The following KRR1 variants were observed in gnomAD, a reference collection of about 807,000 sequenced individuals.
KRR1 encodes KRR1 small subunit processome component homolog.
In KRR1, 23 loss-of-function variants were observed where a neutral mutation model predicts 50.0. The observed-to-expected ratio is 0.46, with a 90% CI of 0.33 to 0.65. The LOEUF (loss-of-function observed/expected upper bound fraction) is 0.65, where lower values mean the gene tolerates loss of function less well. KRR1 is among the 30% of genes least tolerant of loss of function. The pLI, the probability that KRR1 is intolerant of heterozygous loss-of-function variation, is 0.02. For synonymous variants in KRR1, 133 were observed against 146.3 expected, an observed-to-expected ratio of 0.91 and a Z score of 0.66; for missense variants, 419 against 442.4, an observed-to-expected ratio of 0.95 and a Z score of 0.47.
In KRR1 at chr12:75,493,101, G is replaced by C. The variant is rs764363833; in HGVS notation, c.*6708C>G. ...CCTCGGTCTGCTAAACAGATGAAAC[G>C]GGGGGAGGAAGGCAGTTGCAGATCT... On this transcript the variant is annotated 3_prime_UTR_variant, in exon 10 of 10. Transcript: ENST00000229214. 1 of 152,084 alleles carries C rather than the reference G, an allele frequency of 6.6e-6. No homozygotes were observed. The highest frequency in any genetic ancestry group is 2.1e-4 in the South Asian group (1 of 4,820). 9.4% of individuals were successfully genotyped at this position (152,084 alleles called of 1,614,324 possible).
intron 9 of KRR1, chr12:75,501,440 C>A (rs180803431): frequency 3.4e-6 from 1 of 293,260 alleles, no homozygotes; most frequent in African/African-American, 2.2e-5. Flanking sequence ...ACAGAAGATG[C>A]ACTGGCTGCC....
In KRR1 at chr12:75,511,605, C is replaced by CGGATTTATT; in HGVS notation, c.-9_-8insAATAAATCC. ...CAGCGAGGGAGACGCCATTTGCAAGCTGCTTCCGGTGGCTCCGGAAATGAA... is the reference window on the plus strand; with the variant it reads ...CAGCGAGGGAGACGCCATTTGCAAGCGGATTTATTTGCTTCCGGTGGCTCCGGAAATGAA... On this transcript the variant is annotated 5_prime_UTR_variant, in exon 1 of 10. Transcript: ENST00000229214. 6.2e-7 allele frequency: 1 copy of CGGATTTATT among 1,613,742 alleles called. No homozygotes were observed. Among genetic ancestry groups the CGGATTTATT allele is most frequent in the East Asian group, 2.2e-5 (1 of 44,864 alleles).
rs1824623469 is a variant in KRR1, at chr12:75,504,004, G to A, written c.731C>T (p.Pro244Leu). 3 of 1,611,904 alleles carry A rather than the reference G, an allele frequency of 1.9e-6. No homozygotes were observed. Among genetic ancestry groups the A allele is most frequent in the South Asian group, 1.1e-5 (1 of 90,934 alleles). ...LRSQSWERFL[P>L]QFKHKNVNKR... Reference sequence around the variant, plus strand: ...ATTCACATTTTTGTGTTTGAACTGTGGCAAAAATCTCTCCCAACTTTGTGA... The same window carrying A: ...ATTCACATTTTTGTGTTTGAACTGTAGCAAAAATCTCTCCCAACTTTGTGA... Residue 244 changes from proline (P) to leucine (L), a missense_variant, in exon 7 of 10, where the codon CCA (proline) becomes CTA (leucine). Physicochemically the swap from Pro to Leu is moderately conservative, Grantham distance 98. Coordinates refer to ENST00000229214, the MANE Select transcript of KRR1 (RefSeq NM_007043.7).
intron 8 of KRR1, 45 bp downstream of exon 8, chr12:75,501,878 C>T (rs373508242): frequency 3.8e-6 from 6 of 1,586,992 alleles, no homozygotes; most frequent in Non-Finnish European, 5.2e-6. Context: ...ATTCAAGTAT[C>T]TATGAACTTT....
rs540933426 is a variant in KRR1 at position 75,493,076 on chromosome 12, C to T, written c.*6733G>A. On this transcript the variant is annotated 3_prime_UTR_variant, in exon 10 of 10. Coordinates refer to ENST00000229214, the MANE Select transcript of KRR1 (RefSeq NM_007043.7). Reference sequence around the variant, plus strand: ...AAGTTTAAACCACAGAGACTGGTGCCCTCGGTCTGCTAAACAGATGAAACG... The same window carrying T: ...AAGTTTAAACCACAGAGACTGGTGCTCTCGGTCTGCTAAACAGATGAAACG... 7 of 152,160 alleles carry T rather than the reference C, an allele frequency of 4.6e-5. No individual in the cohort carries two copies. Among genetic ancestry groups the T allele is most frequent in the Admixed American group, 3.9e-4 (6 of 15,282 alleles). The allele number at this position is 152,160 out of a possible 1,614,324, so 9.4% of individuals were successfully genotyped here. A position where few individuals can be genotyped will look rare whatever the true frequency, so the allele number is the denominator to read the frequency against.
intron 1 of KRR1, among the ~76,000 whole-genome samples, chr12:75,510,278 G>A (rs750313483): frequency 2.0e-5 from 3 of 152,110 alleles, no homozygotes; most frequent in African/African-American, 4.8e-5. Flanking sequence ...CCAATCCTAT[G>A]TTCACAACCT....
At position 75,504,015 on chromosome 12, in the gene KRR1, C is replaced by CGGG. The variant is rs747031287; in HGVS notation, c.719_720insCCC (p.Glu240delinsAspPro). 9.3e-6 allele frequency: 15 copies of CGGG among 1,612,456 alleles called. No individual in the cohort carries two copies. The highest frequency in any genetic ancestry group is 1.2e-5 in the Non-Finnish European group (14 of 1,178,988). On this transcript the variant is annotated protein_altering_variant, in exon 7 of 10. Coordinates refer to ENST00000229214, the MANE Select transcript of KRR1 (RefSeq NM_007043.7). Reference sequence around the variant, plus strand: ...TGTGTTTGAACTGTGGCAAAAATCTCTCCCAACTTTGTGATCGTAATTCAG... The same window carrying CGGG: ...TGTGTTTGAACTGTGGCAAAAATCTCGGGTCCCAACTTTGTGATCGTAATTCAG...
At position 75,499,400 on chromosome 12, in the gene KRR1, G is replaced by A; in HGVS notation, c.*409C>T. On this transcript the variant is annotated 3_prime_UTR_variant, in exon 10 of 10. Coordinates refer to ENST00000229214, the MANE Select transcript of KRR1 (RefSeq NM_007043.7). ...CTACTTCCCCAGATTCAGAACAGAG[G>A]AGTAACTAGGGGATCTGATTTTAGA... 6.2e-6 allele frequency: 1 copy of A among 160,416 alleles called. No homozygotes were observed. The highest frequency in any genetic ancestry group is 2.0e-4 in the South Asian group (1 of 5,080). The allele number at this position is 160,416 out of a possible 1,614,324, so 9.9% of individuals were successfully genotyped here. A position where few individuals can be genotyped will look rare whatever the true frequency, so the allele number is the denominator to read the frequency against.
At chr12:75,502,410 T>C (rs1216337772) in intron 7 of KRR1, 1 of 155,692 alleles carries the variant, frequency 6.4e-6, no homozygotes, top group African/African-American at 2.4e-5. Flanking sequence ...GAATGAAGAA[T>C]AGATGAGAGC....
chr12:75,511,163 C>A (rs2046446581), intron 1 of KRR1, among the ~76,000 whole-genome samples: 1 of 152,238 alleles, frequency 6.6e-6, no homozygotes, highest in Non-Finnish European at 1.5e-5. Flanking sequence ...CCTATTCCCA[C>A]CTCACCCTAT....
chr12:75,495,677 C>A lies in KRR1; in HGVS notation c.*4132G>T. 2 of 1,340,838 alleles carry A rather than the reference C, an allele frequency of 1.5e-6. No homozygotes were observed. The highest frequency in any genetic ancestry group is 1.1e-6 in the Non-Finnish European group (1 of 932,694). 83.1% of individuals were successfully genotyped at this position (1,340,838 alleles called of 1,614,324 possible). A position where few individuals can be genotyped will look rare whatever the true frequency, so the allele number is the denominator to read the frequency against. On this transcript the variant is annotated 3_prime_UTR_variant, in exon 10 of 10. Coordinates refer to ENST00000229214, the MANE Select transcript of KRR1 (RefSeq NM_007043.7). ...CAATCTCTGTGGTGAGTAAAAGGAA[C>A]AATACACCAATAGAATAACATAATA... is the stretch of plus-strand genomic sequence containing the variant.
intron 6 of KRR1, 65 bp downstream of exon 6, chr12:75,505,133 A>G: frequency 1.4e-6 from 2 of 1,416,386 alleles, no homozygotes; most frequent in Non-Finnish European, 1.9e-6. Context: ...TAATTTCAAG[A>G]AAGGTTTCTG....
Position 75,508,450 on chromosome 12 carries a change from C to T in KRR1, c.86-4G>A. On this transcript the variant is annotated splice_region_variant and splice_polypyrimidine_tract_variant and intron_variant, in intron 1 of 9. Transcript: ENST00000229214. ...ACCGTAAGGAGTTCTGATTCATCTA[C>T]AGAAAGGAAAAAATTTACACATCAC... 1 of 1,580,300 alleles carries T rather than the reference C, an allele frequency of 6.3e-7. No individual in the cohort carries two copies. The highest frequency in any genetic ancestry group is 1.2e-5 in the South Asian group (1 of 86,110).
At chr12:75,505,396 G>A (rs905864707) in intron 5 of KRR1, 142 bp from the exon 6 acceptor site, 1 of 772,292 alleles carries the variant, frequency 1.3e-6, no homozygotes, top group South Asian at 2.1e-5. Flanking sequence ...CAACTGCTCT[G>A]AGTGGCTTCT....
chr12:75,495,889 C>CA lies in KRR1; in HGVS notation c.*3919dup, dbSNP rs1033657502. 80 of 312,288 alleles carry CA rather than the reference C, an allele frequency of 2.6e-4. No homozygotes were observed. The highest frequency in any genetic ancestry group is 3.3e-4 in the Non-Finnish European group (56 of 171,562). The allele number at this position is 312,288 out of a possible 1,614,324, so 19.3% of individuals were successfully genotyped here. On this transcript the variant is annotated 3_prime_UTR_variant, in exon 10 of 10. Transcript: ENST00000229214. ...GTTCTAATTGGTCAAACAACAACAA[C>CA]AAAAAAAACTGTCAGAAACTGTAGA...
In KRR1 at chr12:75,494,748, T is replaced by G. The variant is rs1242168709; in HGVS notation, c.*5061A>C. On this transcript the variant is annotated 3_prime_UTR_variant, in exon 10 of 10. Coordinates refer to ENST00000229214, the MANE Select transcript of KRR1 (RefSeq NM_007043.7). ...AATGGCAGGTTCATTGAGATAAATG[T>G]GCCCCCTCTCCCCATTACTACTATG... is the stretch of plus-strand genomic sequence containing the variant. 3 of 152,202 alleles carry G rather than the reference T, an allele frequency of 2.0e-5. No homozygotes were observed. The highest frequency in any genetic ancestry group is 7.2e-5 in the African/African-American group (3 of 41,454). The allele number at this position is 152,202 out of a possible 1,614,324, so 9.4% of individuals were successfully genotyped here. A position where few individuals can be genotyped will look rare whatever the true frequency, so the allele number is the denominator to read the frequency against.
chr12:75,501,772 G>A lies in KRR1; in HGVS notation c.954C>T (p.Asn318=). 1 of 1,610,798 alleles carries A rather than the reference G, an allele frequency of 6.2e-7. No homozygotes were observed. The highest frequency in any genetic ancestry group is 8.5e-7 in the Non-Finnish European group (1 of 1,178,308). ...EAISKRQEER[N]KAFIPPKEKP... is the part of the protein sequence containing the mutation. ...TTTCCTTAGGTGGAATAAATGCTTT[G>A]TTTCTTTCCTCTTGTCTCTTACTGA... is the stretch of plus-strand genomic sequence containing the variant. The change falls in exon 9 of 10, where the codon AAC becomes AAT. Residue 318 remains asparagine, a synonymous_variant. Coordinates refer to ENST00000229214, the MANE Select transcript of KRR1 (RefSeq NM_007043.7).
Position 75,492,065 on chromosome 12 carries a change from C to T in KRR1, c.*7744G>A, listed in dbSNP as rs1024018461. 3 of 149,448 alleles carry T rather than the reference C, an allele frequency of 2.0e-5. No individual in the cohort carries two copies. Among genetic ancestry groups the T allele is most frequent in the Admixed American group, 6.7e-5 (1 of 14,904 alleles). 9.3% of individuals were successfully genotyped at this position (149,448 alleles called of 1,614,324 possible). On this transcript the variant is annotated 3_prime_UTR_variant, in exon 10 of 10. Coordinates refer to ENST00000229214, the MANE Select transcript of KRR1 (RefSeq NM_007043.7). ...GAAAAAACTAGACAAAGCCATAATT[C>T]AGTTAGTGGTAACTTTTCATGACTT... is the stretch of plus-strand genomic sequence containing the variant.
At position 75,495,490 on chromosome 12, in the gene KRR1, C is replaced by A. The variant is rs2046344702; in HGVS notation, c.*4319G>T. The stretch of plus-strand genomic sequence containing the variant: ...GACCTTTGTACTTCACTCCACTATT[C>A]TTCTGGATTTAGTTAAGGATTCATA... On this transcript the variant is annotated 3_prime_UTR_variant, in exon 10 of 10. Transcript: ENST00000229214. The A allele has an allele frequency of 4.2e-6, 3 of 711,986 alleles. No homozygotes were observed. In the South Asian group the frequency reaches 4.7e-5, roughly 11 times the overall value. The allele number at this position is 711,986 out of a possible 1,614,324, so 44.1% of individuals were successfully genotyped here. A position where few individuals can be genotyped will look rare whatever the true frequency, so the allele number is the denominator to read the frequency against.
Sources: allele counts gnomAD v4.1 joint callset (sites outside exome capture counted in the v4.1 genomes callset), GRCh38; gene constraint gnomAD v4.1.1; transcripts MANE v1.5; gene names NCBI Gene and HGNC (gene_info 2026-07-23, HGNC 2026-07-21).